The following PPM1E variants were observed in gnomAD, a reference collection of about 807,000 sequenced individuals.
PPM1E encodes the protein protein phosphatase, Mg2+/Mn2+ dependent 1E.
In PPM1E, 20 loss-of-function variants were observed where a neutral mutation model predicts 65.9. The observed-to-expected ratio is 0.30, with a 90% CI of 0.21 to 0.44. The LOEUF is 0.44. Ranked by LOEUF, PPM1E falls within the 20% of genes least tolerant of loss-of-function variation. PPM1E has a pLI of 1.00. For synonymous variants in PPM1E, 352 were observed against 374.9 expected (o/e 0.94, Z 0.70); for missense variants, 713 against 953.1 (o/e 0.75, Z 3.32).
chr17:58,893,997 T>A (rs1301449506), intron 1 of PPM1E, among the ~76,000 whole-genome samples: 1 of 151,920 alleles, frequency 6.6e-6, no homozygotes, highest in Non-Finnish European at 1.5e-5. Context: ...TCCCTTGAGC[T>A]CAAGAGTTCA....
In PPM1E at chr17:58,800,675, ATTTC is replaced by A. The variant is rs371418113; in HGVS notation, c.464+44217_464+44220del. ...ATGATGTATTTTAAGGAATTTGTCT[ATTTC>A]TTCTAATTTGTCAAACATATTGAGA... On this transcript the variant is annotated intron_variant, in intron 1 of 6. Transcript: ENST00000308249. Among the ~76,000 whole-genome samples, 155 of 152,192 alleles carry A rather than the reference ATTTC, an allele frequency of 1.0e-3. No individual in the cohort carries two copies. The Middle Eastern group carries it at 0.01, about 10-fold the overall frequency.
chr17:58,810,867 C>CT (rs370017775), intron 1 of PPM1E, among the ~76,000 whole-genome samples: 3 of 151,648 alleles, frequency 2.0e-5, no homozygotes, highest in South Asian at 2.1e-4. Flanking sequence ...CTGTTCTTTT[C>CT]TTTTTTTTGA....
chr17:58,982,600 C>A lies in PPM1E; in HGVS notation c.*1569C>A. 3.3e-6 allele frequency: 1 copy of A among 305,610 alleles called. No homozygotes were observed. Among genetic ancestry groups the A allele is most frequent in the Non-Finnish European group, 6.1e-6 (1 of 164,774 alleles). The allele number at this position is 305,610 out of a possible 1,614,324, so 18.9% of individuals were successfully genotyped here. On this transcript the variant is annotated 3_prime_UTR_variant, in exon 7 of 7. Transcript: ENST00000308249. ...ACAGATGACTGGCATATTTTGGATA[C>A]CAGTATAGCTATATCAAATAGACAA...
At chr17:58,895,693 C>T (rs565239509) in intron 1 of PPM1E, among the ~76,000 whole-genome samples, 95 of 152,186 alleles carry the variant, frequency 6.2e-4, no homozygotes, top group African/African-American at 2.2e-3. Flanking sequence ...TACCTGTACT[C>T]TCAGCTACTC....
At chr17:58,806,760 C>T (rs1225300213) in intron 1 of PPM1E, among the ~76,000 whole-genome samples, 2 of 144,440 alleles carry the variant, frequency 1.4e-5, no homozygotes, top group African/African-American at 2.5e-5. Context: ...AGTGTAGTGG[C>T]GCCATCTCGG....
At chr17:58,782,818 A>G (rs1473092889) in intron 1 of PPM1E, among the ~76,000 whole-genome samples, 1 of 152,140 alleles carries the variant, frequency 6.6e-6, no homozygotes, top group Non-Finnish European at 1.5e-5. Context: ...TGTGAGGAAT[A>G]TATTAAAGAT....
intron 6 of PPM1E, among the ~76,000 whole-genome samples, chr17:58,975,279 T>G (rs2030925229): frequency 6.6e-6 from 1 of 152,214 alleles, no homozygotes; most frequent in Admixed American, 6.5e-5. Context: ...GTTACAGAAC[T>G]AACTTAATAG....
At chr17:58,846,620 A>G (rs1598607462) in intron 1 of PPM1E, among the ~76,000 whole-genome samples, 1 of 152,188 alleles carries the variant, frequency 6.6e-6, no homozygotes, top group Non-Finnish European at 1.5e-5. Flanking sequence ...TTATGGCTGC[A>G]TAGTATTCCA....
At chr17:58,818,473 A>G (rs1256815029) in intron 1 of PPM1E, among the ~76,000 whole-genome samples, 3 of 152,222 alleles carry the variant, frequency 2.0e-5, no homozygotes, top group Non-Finnish European at 4.4e-5. Flanking sequence ...GATGAGCCCA[A>G]AACACTTAAT....
chr17:58,837,332 T>TACACACAC (rs59797345), intron 1 of PPM1E, among the ~76,000 whole-genome samples: 48 of 131,416 alleles, frequency 3.7e-4, no homozygotes, highest in Non-Finnish European at 6.7e-4. Flanking sequence ...CACACACACA[T>TACACACAC]ACACACACAC....
intron 1 of PPM1E, among the ~76,000 whole-genome samples, chr17:58,827,907 A>AAAAAG (rs1238615757): frequency 2.7e-5 from 4 of 146,966 alleles, no homozygotes; most frequent in African/African-American, 1.0e-4. Flanking sequence ...ATCTCAAAAA[A>AAAAAG]AAAAAATAAT....
chr17:58,948,569 T>C (rs1049678686), intron 1 of PPM1E, among the ~76,000 whole-genome samples: 1 of 152,244 alleles, frequency 6.6e-6, no homozygotes, highest in Non-Finnish European at 1.5e-5. Flanking sequence ...GATAAGGCAA[T>C]GAAAAAGAAA....
At chr17:58,937,289 A>T (rs1385687174) in intron 1 of PPM1E, among the ~76,000 whole-genome samples, 2 of 124,232 alleles carry the variant, frequency 1.6e-5, no homozygotes, top group Non-Finnish European at 3.2e-5. Flanking sequence ...TTTGAGATGG[A>T]GTCTCACTCT....
intron 1 of PPM1E, among the ~76,000 whole-genome samples, chr17:58,868,164 T>G (rs2051026856): frequency 6.6e-6 from 1 of 151,986 alleles, no homozygotes; most frequent in Non-Finnish European, 1.5e-5. Flanking sequence ...ACCCTGTCTC[T>G]ACAAAACATA....
intron 3 of PPM1E, among the ~76,000 whole-genome samples, chr17:58,969,198 T>C (rs2030440652): frequency 2.0e-5 from 3 of 152,118 alleles, no homozygotes; most frequent in Admixed American, 6.6e-5. Flanking sequence ...ATACCCTCCC[T>C]ATCCCCCCTC....
rs752040040 is a variant in PPM1E at position 58,980,255 on chromosome 17, A to G, written c.1492A>G (p.Ser498Gly). ...LRDMNKAVNVSEESDWTENSF... is the reference protein window; with the variant it reads ...LRDMNKAVNVGEESDWTENSF... The stretch of plus-strand genomic sequence containing the variant: ...GGACATGAACAAAGCTGTAAATGTT[A>G]GTGAGGAATCAGATTGGACAGAGAA... Residue 498 changes from serine (S) to glycine (G), a missense_variant, in exon 7 of 7, where the codon AGT (serine) becomes GGT (glycine). Ser to Gly is a moderately conservative substitution (Grantham distance 56). Coordinates refer to ENST00000308249, the MANE Select transcript of PPM1E (RefSeq NM_014906.5). This position sits in a 1 kb window ranked among gnomAD's most constrained non-coding sequence, Gnocchi z 4.7. The G allele has an allele frequency of 3.1e-6, 5 of 1,614,120 alleles. No individual in the cohort carries two copies. In the Admixed American group the frequency reaches 5.0e-5, roughly 16 times the overall value.
At chr17:58,936,230 G>T (rs2143585566) in intron 1 of PPM1E, among the ~76,000 whole-genome samples, 1 of 152,232 alleles carries the variant, frequency 6.6e-6, no homozygotes, top group African/African-American at 2.4e-5. Flanking sequence ...AGTCCACTAA[G>T]AAAAAGAATA....
intron 1 of PPM1E, among the ~76,000 whole-genome samples, chr17:58,798,465 C>G (rs185345386): frequency 3.2e-4 from 48 of 151,336 alleles, no homozygotes; most frequent in Admixed American, 8.6e-4. Flanking sequence ...CCTTGTGATC[C>G]ACCCGCCTTA....
chr17:58,923,358 A>G (rs1379657358), intron 1 of PPM1E, among the ~76,000 whole-genome samples: 1 of 151,744 alleles, frequency 6.6e-6, no homozygotes, highest in African/African-American at 2.4e-5. Context: ...ACCACTTATT[A>G]TCCCAAAGCT....
Sources: allele counts gnomAD v4.1 joint callset (sites outside exome capture counted in the v4.1 genomes callset), GRCh38; gene constraint gnomAD v4.1.1; non-coding constraint Gnocchi (gnomAD v3.1); transcripts MANE v1.5; gene names NCBI Gene and HGNC (gene_info 2026-07-23, HGNC 2026-07-21).